The following KLHL32 variants were observed in gnomAD, a reference collection of about 807,000 sequenced individuals.
The protein encoded by KLHL32 is kelch like family member 32.
Under a neutral mutation model 64.8 loss-of-function variants are expected in KLHL32, and 35 were observed. The ratio of observed to expected loss-of-function variants is 0.54; its 90% CI spans 0.41 to 0.72. KLHL32 has a LOEUF of 0.72. Ranked by LOEUF, KLHL32 falls within the 30% of genes least tolerant of loss-of-function variation. The pLI is 0.00. For missense variants in KLHL32, 589 were observed against 768.5 expected (o/e 0.77, Z 2.76); for synonymous variants, 259 against 281.0 (o/e 0.92, Z 0.78).
intron 2 of KLHL32, among the ~76,000 whole-genome samples, chr6:96,971,362 G>GC: frequency 6.6e-6 from 1 of 152,156 alleles, no homozygotes; most frequent in East Asian, 1.9e-4. Flanking sequence ...TGAACTCTGT[G>GC]ACCTCAGAGC....
intron 10 of KLHL32, among the ~76,000 whole-genome samples, chr6:97,137,836 GCAGTTA>G (rs1237013803): frequency 6.6e-6 from 1 of 152,056 alleles, no homozygotes; most frequent in Non-Finnish European, 1.5e-5. Flanking sequence ...CCAGCCTATT[GCAGTTA>G]AAGTCTTAAG....
chr6:96,906,932 G>A, the KLHL32 span, among the ~76,000 whole-genome samples: 1 of 152,126 alleles, frequency 6.6e-6, no homozygotes, highest in African/African-American at 2.4e-5. Flanking sequence ...AGTCTCCAGA[G>A]AAGGCTAAAA....
chr6:96,904,791 T>C, the KLHL32 span, among the ~76,000 whole-genome samples: 2 of 152,198 alleles, frequency 1.3e-5, no homozygotes, highest in South Asian at 2.1e-4. Flanking sequence ...GGCAAATAAA[T>C]AGTGACAAGA....
At chr6:97,101,604 C>T (rs1795735380) in intron 6 of KLHL32, among the ~76,000 whole-genome samples, 2 of 152,216 alleles carry the variant, frequency 1.3e-5, no homozygotes, top group African/African-American at 4.8e-5. Context: ...GTCTGTCTCT[C>T]CCTTTTCATT....
At chr6:96,964,535 C>T (rs879438074) in intron 1 of KLHL32, among the ~76,000 whole-genome samples, 1 of 152,136 alleles carries the variant, frequency 6.6e-6, no homozygotes, top group Non-Finnish European at 1.5e-5. Context: ...CGCCTGTAGT[C>T]CCAGCTACTC....
chr6:97,068,608 G>T (rs1329727619), intron 5 of KLHL32, among the ~76,000 whole-genome samples: 3 of 152,194 alleles, frequency 2.0e-5, no homozygotes, highest in Admixed American at 6.5e-5. Context: ...TGTGTTCACA[G>T]GAAATACAGT....
chr6:96,976,465 G>A (rs2128044263), intron 3 of KLHL32, among the ~76,000 whole-genome samples: 1 of 152,292 alleles, frequency 6.6e-6, no homozygotes, highest in South Asian at 2.1e-4. Flanking sequence ...TGCTTCATGT[G>A]GGGGTGCAGA....
chr6:97,007,115 T>C (rs1779764885), intron 3 of KLHL32, among the ~76,000 whole-genome samples: 1 of 152,182 alleles, frequency 6.6e-6, no homozygotes, highest in African/African-American at 2.4e-5. Flanking sequence ...TCTCTCTCTC[T>C]TTTAGGGATG....
chr6:96,931,937 G>A (rs2127990995), intron 1 of KLHL32, among the ~76,000 whole-genome samples: 1 of 152,178 alleles, frequency 6.6e-6, no homozygotes, highest in African/African-American at 2.4e-5. Context: ...TACTCCCCAA[G>A]CAATAGTTAT....
At chr6:97,069,400 CTTTTT>C (rs199967868) in intron 5 of KLHL32, among the ~76,000 whole-genome samples, 1 of 134,568 alleles carries the variant, frequency 7.4e-6, no homozygotes, top group Admixed American at 7.4e-5. Context: ...GATTTTGTTC[CTTTTT>C]TTTTTTTTTT....
rs149424496 is a variant in KLHL32, at chr6:96,931,476, A to G, written c.-66+6450A>G. ...ATAGACTGAGCTAAGCTTTGTTTTC[A>G]TCATACAATGGATTATAAAGCCTGT... On this transcript the variant is annotated intron_variant, in intron 1 of 10. Transcript: ENST00000369261. Among the ~76,000 whole-genome samples the G allele has an allele frequency of 4.1e-3, 629 of 152,352 alleles. 11 individuals carry two copies. Among genetic ancestry groups the G allele is most frequent in the African/African-American group, 0.015 (608 of 41,566 alleles).
At chr6:96,904,693 AG>A in the KLHL32 span, among the ~76,000 whole-genome samples, 2 of 152,236 alleles carry the variant, frequency 1.3e-5, no homozygotes, top group Admixed American at 6.5e-5. Flanking sequence ...AATAGCCAAT[AG>A]ATTTTAGAAA....
intron 1 of KLHL32, among the ~76,000 whole-genome samples, chr6:96,929,454 G>T (rs574039954): frequency 6.6e-6 from 1 of 152,302 alleles, no homozygotes; most frequent in East Asian, 1.9e-4. Context: ...CTATAAGACT[G>T]CTTATTATTT....
At chr6:96,995,475 C>T (rs941064413) in intron 3 of KLHL32, among the ~76,000 whole-genome samples, 2 of 152,160 alleles carry the variant, frequency 1.3e-5, no homozygotes, top group African/African-American at 4.8e-5. Context: ...ACTAACTTTC[C>T]CTTCCTGCTA....
In KLHL32 at chr6:96,952,465, A is replaced by C. The variant is rs1185286447; in HGVS notation, c.-65-14531A>C. Among the ~76,000 whole-genome samples the C allele has an allele frequency of 1.5e-4, 23 of 152,184 alleles. 1 individual carries two copies. The highest frequency in any genetic ancestry group is 2.9e-5 in the Non-Finnish European group (2 of 68,024). ...TGATGGCTGACTCCATCTTGCTTCT[A>C]GCCTCACAGGCTGGCTGGACTCACT... On this transcript the variant is annotated intron_variant, in intron 1 of 10. Coordinates refer to ENST00000369261, the MANE Select transcript of KLHL32 (RefSeq NM_052904.4).
At chr6:97,085,794 G>A (rs1284820309) in intron 6 of KLHL32, among the ~76,000 whole-genome samples, 2 of 152,140 alleles carry the variant, frequency 1.3e-5, no homozygotes, top group Admixed American at 6.5e-5. Flanking sequence ...CTTGGATCTC[G>A]AATGAAATGA....
At position 97,040,299 on chromosome 6, in the gene KLHL32, C is replaced by T. The variant is rs1223215146; in HGVS notation, c.205-1193C>T. On this transcript the variant is annotated intron_variant, in intron 3 of 10. Coordinates refer to ENST00000369261, the MANE Select transcript of KLHL32 (RefSeq NM_052904.4). ...CAAAGATTAAAGGTGCACAAATTAGCATGGGGTTGTATTTTTTTTTTCCTT... is the reference window on the plus strand; with the variant it reads ...CAAAGATTAAAGGTGCACAAATTAGTATGGGGTTGTATTTTTTTTTTCCTT... Among the ~76,000 whole-genome samples the T allele has an allele frequency of 2.0e-5, 3 of 151,794 alleles. No individual in the cohort carries two copies. The East Asian group carries it at 5.8e-4, about 29-fold the overall frequency.
intron 4 of KLHL32, among the ~76,000 whole-genome samples, chr6:97,052,122 G>A (rs545021034): frequency 2.2e-4 from 34 of 152,236 alleles, no homozygotes; most frequent in African/African-American, 7.7e-4. Flanking sequence ...AAGAACAAAC[G>A]AAAGAAGTTT....
chr6:97,077,885 C>T (rs1054025483), intron 5 of KLHL32, among the ~76,000 whole-genome samples: 14 of 152,050 alleles, frequency 9.2e-5, no homozygotes, highest in Non-Finnish European at 1.9e-4. Flanking sequence ...GCATACGATG[C>T]GAAATCTACT....
Sources: allele counts gnomAD v4.1 joint callset (sites outside exome capture counted in the v4.1 genomes callset), GRCh38; gene constraint gnomAD v4.1.1; transcripts MANE v1.5; gene names NCBI Gene and HGNC (gene_info 2026-07-23, HGNC 2026-07-21).